The following BAIAP2 variants were observed in gnomAD, a reference collection of about 807,000 sequenced individuals.
BAIAP2 encodes BAR/IMD domain-containing adapter protein 2.
Under a neutral mutation model 63.0 loss-of-function variants are expected in BAIAP2, and 18 were observed. That is an observed-to-expected ratio of 0.29 (90% CI 0.20 to 0.42). The LOEUF (loss-of-function observed/expected upper bound fraction) is 0.42, where lower values mean the gene tolerates loss of function less well. Ranked by LOEUF, BAIAP2 falls within the 10% of genes least tolerant of loss-of-function variation. The pLI is 1.00. For missense variants in BAIAP2, 610 were observed against 734.3 expected (o/e 0.83, Z 1.96); for synonymous variants, 386 against 307.6 (o/e 1.25, Z -2.67).
rs1188984346 is a variant in BAIAP2, at chr17:81,103,901, C to T, written c.865-6C>T. Reference sequence around the variant, plus strand: ...GCAACAGCCTGCTCTGCCTGCTTCCCTGCAGCGGATGTCTGCCCAGGAGAG... The same window carrying T: ...GCAACAGCCTGCTCTGCCTGCTTCCTTGCAGCGGATGTCTGCCCAGGAGAG... On this transcript the variant is annotated splice_region_variant and splice_polypyrimidine_tract_variant and intron_variant, in intron 8 of 13. Transcript: ENST00000428708. The T allele has an allele frequency of 1.1e-5, 18 of 1,612,704 alleles. No individual in the cohort carries two copies. Among genetic ancestry groups the T allele is most frequent in the Non-Finnish European group, 1.4e-5 (16 of 1,179,950 alleles).
At chr17:81,109,213 C>T in intron 13 of BAIAP2, 23 of 1,397,520 alleles carry the variant, frequency 1.6e-5, no homozygotes, top group Non-Finnish European at 2.1e-5. Context: ...TTACGCGCCC[C>T]ATCCTGTGTG....
chr17:81,108,568 G>C lies in BAIAP2; in HGVS notation c.1535+59G>C. On this transcript the variant is annotated intron_variant, in intron 13 of 13. Transcript: ENST00000428708. ...TGGGTGGGTGTGAAGAGGCCGGGTGGGGCAGGTCCCTCTGCTAGGACCTGG... is the reference window on the plus strand; with the variant it reads ...TGGGTGGGTGTGAAGAGGCCGGGTGCGGCAGGTCCCTCTGCTAGGACCTGG... The C allele has an allele frequency of 1.9e-6, 3 of 1,604,946 alleles. No individual in the cohort carries two copies. In the South Asian group the frequency reaches 3.3e-5, roughly 18 times the overall value.
chr17:81,116,226 C>G lies in BAIAP2; in HGVS notation c.*387C>G, dbSNP rs771411152. 1 of 1,612,214 alleles carries G rather than the reference C, an allele frequency of 6.2e-7. No homozygotes were observed. The highest frequency in any genetic ancestry group is 8.5e-7 in the Non-Finnish European group (1 of 1,179,480). Reference sequence around the variant, plus strand: ...GCCTAATAAACAGGCTTCTCCTGCACCAGGTGTGATCTGTCCGCCCAAGGG... The same window carrying G: ...GCCTAATAAACAGGCTTCTCCTGCAGCAGGTGTGATCTGTCCGCCCAAGGG... On this transcript the variant is annotated 3_prime_UTR_variant, in exon 14 of 14. Transcript: ENST00000428708.
intron 13 of BAIAP2, among the ~76,000 whole-genome samples, chr17:81,113,515 G>C (rs556862966): frequency 6.6e-6 from 1 of 152,316 alleles, no homozygotes; most frequent in Non-Finnish European, 1.5e-5. Flanking sequence ...CAGACAGCTG[G>C]GGGGTGGGGG....
intron 1 of BAIAP2, among the ~76,000 whole-genome samples, chr17:81,048,823 CTG>C (rs928006615): frequency 3.3e-5 from 5 of 152,174 alleles, no homozygotes; most frequent in African/African-American, 1.2e-4. Context: ...ACATCCGTCT[CTG>C]TGGACGTCCC....
intron 1 of BAIAP2, among the ~76,000 whole-genome samples, chr17:81,052,362 T>C (rs929407187): frequency 3.3e-5 from 5 of 152,090 alleles, no homozygotes; most frequent in African/African-American, 9.7e-5. Flanking sequence ...CGATGCTGCA[T>C]CCCCCACCCC....
intron 9 of BAIAP2, 133 bp from the exon 10 acceptor site, chr17:81,104,381 C>T (rs73367927): frequency 0.041 from 41,780 of 1,011,134 alleles, 1,462 homozygotes; most frequent in African/African-American, 0.16. Flanking sequence ...GCTGCTGCTG[C>T]GGAGAGCTTA....
rs138656369 is a variant in BAIAP2, at chr17:81,055,569, G to GGTTTTTTTTTTTTTTTTTTTTTTTT, written c.130+1826_130+1827insGTTTTTTTTTTTTTTTTTTTTTTTT. Among the ~76,000 whole-genome samples the GGTTTTTTTTTTTTTTTTTTTTTTTT allele has an allele frequency of 6.3e-3, 584 of 93,428 alleles. 85 individuals are homozygous for GGTTTTTTTTTTTTTTTTTTTTTTTT. The highest frequency in any genetic ancestry group is 0.032 in the East Asian group (93 of 2,884). 61.3% of individuals were successfully genotyped at this position (93,428 alleles called of 152,430 possible). On this transcript the variant is annotated intron_variant, in intron 2 of 13. Transcript: ENST00000428708. Reference sequence around the variant, plus strand: ...TTCCTCCAGCGAAAGTCTGCAGGGTGTTTTGTTTTTTTTTGAGACGGAGTC... The same window carrying GGTTTTTTTTTTTTTTTTTTTTTTTT: ...TTCCTCCAGCGAAAGTCTGCAGGGTGGTTTTTTTTTTTTTTTTTTTTTTTTTTTTGTTTTTTTTTGAGACGGAGTC...
chr17:81,105,110 AG>A (rs1455038366), intron 10 of BAIAP2: 39 of 114,386 alleles, frequency 3.4e-4, no homozygotes, highest in Non-Finnish European at 5.3e-4. Context: ...GTCTCCCCCC[AG>A]TGGCAGGGGT....
chr17:81,055,465 C>T (rs757249713), intron 2 of BAIAP2, among the ~76,000 whole-genome samples: 6 of 152,304 alleles, frequency 3.9e-5, no homozygotes, highest in Non-Finnish European at 7.3e-5. Flanking sequence ...TTCTCTCCAC[C>T]CTGCCCCTCC....
Position 81,103,726 on chromosome 17 carries a change from G to A in BAIAP2, c.864+3G>A, listed in dbSNP as rs753245697. Reference sequence around the variant, plus strand: ...CCGAGCTGGCACCGTTCGTGGGGGTGAGTCTGTGGCCTCTGGAAAGCTTCA... The same window carrying A: ...CCGAGCTGGCACCGTTCGTGGGGGTAAGTCTGTGGCCTCTGGAAAGCTTCA... On this transcript the variant is annotated splice_donor_region_variant and intron_variant, in intron 8 of 13. Transcript: ENST00000428708. 2 of 1,587,440 alleles carry A rather than the reference G, an allele frequency of 1.3e-6. No homozygotes were observed. Among genetic ancestry groups the A allele is most frequent in the East Asian group, 2.2e-5 (1 of 44,488 alleles).
At chr17:81,112,776 C>T (rs867054004) in intron 13 of BAIAP2, among the ~76,000 whole-genome samples, 6 of 152,216 alleles carry the variant, frequency 3.9e-5, no homozygotes, top group Non-Finnish European at 8.8e-5. Context: ...CTTGGCCGAG[C>T]GCCGTGGCCC....
rs796790230 is a variant in BAIAP2 at position 81,105,076 on chromosome 17, T to A, written c.1268+361T>A. ...ATGGCAGGGGTCTCCCCCCAATGGC[T>A]CGGGTCTCCCCCCAGCGGCAGGGGT... On this transcript the variant is annotated intron_variant, in intron 10 of 13. Coordinates refer to ENST00000428708, the MANE Select transcript of BAIAP2 (RefSeq NM_001144888.2). 2.8e-4 allele frequency: 52 copies of A among 184,798 alleles called. No homozygotes were observed. In the South Asian group the frequency reaches 3.2e-3, roughly 11 times the overall value. The allele number at this position is 184,798 out of a possible 1,614,324, so 11.4% of individuals were successfully genotyped here.
chr17:81,099,855 G>T (rs141191380), intron 6 of BAIAP2, 73 bp from the exon 7 acceptor site: 137 of 1,542,420 alleles, frequency 8.9e-5, no homozygotes, highest in Middle Eastern at 1.7e-4. Flanking sequence ...CTGAGTCCGT[G>T]GGGCTGCCCC....
intron 3 of BAIAP2, among the ~76,000 whole-genome samples, chr17:81,084,603 G>C (rs2055239468): frequency 6.6e-6 from 1 of 152,204 alleles, no homozygotes; most frequent in African/African-American, 2.4e-5. Flanking sequence ...CCCTCCCAAA[G>C]ATGCCAGGCG....
chr17:81,052,619 G>A (rs1362205955), intron 1 of BAIAP2, among the ~76,000 whole-genome samples: 2 of 152,248 alleles, frequency 1.3e-5, no homozygotes, highest in African/African-American at 2.4e-5. Flanking sequence ...GTCAAATAGC[G>A]GGTTTTCTGG....
intron 1 of BAIAP2, among the ~76,000 whole-genome samples, chr17:81,042,571 A>C (rs890158941): frequency 6.6e-6 from 1 of 152,134 alleles, no homozygotes; most frequent in African/African-American, 2.4e-5. Flanking sequence ...TGGTTGTGGC[A>C]GGGGACAGTC....
chr17:81,055,574 G>GTTTTTTTTTTTTTTTTTTT, intron 2 of BAIAP2, among the ~76,000 whole-genome samples: 1 of 123,412 alleles, frequency 8.1e-6, no homozygotes, highest in East Asian at 2.7e-4. Flanking sequence ...AGGGTGTTTT[G>GTTTTTTTTTTTTTTTTTTT]TTTTTTTTTG....
chr17:81,055,574 G>GTTGTTTTTTGTTTTT (rs2049367558), intron 2 of BAIAP2, among the ~76,000 whole-genome samples: 1 of 123,406 alleles, frequency 8.1e-6, no homozygotes, highest in South Asian at 2.8e-4. Context: ...AGGGTGTTTT[G>GTTGTTTTTTGTTTTT]TTTTTTTTTG....
Sources: gnomAD v4.1 joint callset for allele counts (sites outside exome capture counted in the v4.1 genomes callset) on GRCh38, gnomAD v4.1.1 for gene constraint, MANE v1.5 for transcripts, NCBI Gene and HGNC (gene_info 2026-07-23, HGNC 2026-07-21) for gene names.